The following TRMT1L variants were observed in gnomAD, a reference collection of about 807,000 sequenced individuals.
The protein encoded by TRMT1L is tRNA methyltransferase 1L.
In TRMT1L, 28 loss-of-function variants were observed where a neutral mutation model predicts 81.6. The observed-to-expected ratio is 0.34, with a 90% confidence interval of 0.25 to 0.47. The LOEUF is 0.47. TRMT1L is among the 20% of genes least tolerant of loss of function. TRMT1L has a pLI of 1.00. For missense variants in TRMT1L, 739 were observed against 877.1 expected, an observed-to-expected ratio of 0.84 and a Z score of 1.99; for synonymous variants, 301 against 303.2, an observed-to-expected ratio of 0.99 and a Z score of 0.07.
intron 10 of TRMT1L, among the ~76,000 whole-genome samples, chr1:185,132,403 C>T (rs1378767052): frequency 2.6e-5 from 4 of 151,884 alleles, no homozygotes; most frequent in Non-Finnish European, 5.9e-5. Flanking sequence ...CCTGTAATCA[C>T]AGCTACTCAG....
At position 185,156,734 on chromosome 1, in the gene TRMT1L, C is replaced by T. The variant is rs780468736; in HGVS notation, c.-22G>A. ...CCATAGTTACCGCCTCCGTGCCAAG[C>T]CCGCCCGGGGACCCGGAGCGGGGCT... On this transcript the variant is annotated 5_prime_UTR_variant, in exon 1 of 15. Coordinates refer to ENST00000367506, the MANE Select transcript of TRMT1L (RefSeq NM_030934.5). The T allele has an allele frequency of 3.1e-6, 5 of 1,611,828 alleles. No homozygotes were observed. In the East Asian group the frequency reaches 1.1e-4, roughly 36 times the overall value.
chr1:185,128,281 A>G (rs531987971), intron 11 of TRMT1L, among the ~76,000 whole-genome samples: 8 of 152,300 alleles, frequency 5.3e-5, no homozygotes, highest in African/African-American at 1.9e-4. Context: ...TCTTAAAACT[A>G]ATTCTTCTAG....
In TRMT1L at chr1:185,155,493, T is replaced by C. The variant is rs184343070; in HGVS notation, c.235+985A>G. ...CTACTCTGAAATCTATAACAATTTG[T>C]ATGTTGTTTCAAAACTGCAAAATAA... is the stretch of plus-strand genomic sequence containing the variant. On this transcript the variant is annotated intron_variant, in intron 1 of 14. Coordinates refer to ENST00000367506, the MANE Select transcript of TRMT1L (RefSeq NM_030934.5). Among the ~76,000 whole-genome samples, 11 of 152,368 alleles carry C rather than the reference T, an allele frequency of 7.2e-5. 1 individual carries two copies. The highest frequency in any genetic ancestry group is 2.2e-4 in the African/African-American group (9 of 41,596).
At chr1:185,150,633 A>G (rs1471409384) in intron 2 of TRMT1L, 141 bp from the exon 3 acceptor site, 1 of 664,810 alleles carries the variant, frequency 1.5e-6, no homozygotes, top group Non-Finnish European at 2.6e-6. Flanking sequence ...ATTATTCTTG[A>G]CCCAGGAGAC....
At position 185,140,098 on chromosome 1, in the gene TRMT1L, C is replaced by A. The variant is rs576271013; in HGVS notation, c.984G>T (p.Val328=). Residue 328 remains valine (V), a synonymous_variant, in exon 8 of 15, where the codon GTG becomes GTT. Coordinates refer to ENST00000367506, the MANE Select transcript of TRMT1L (RefSeq NM_030934.5). ...ENCHLNKLKV[V]VDSKEKEKSD... is the part of the protein sequence containing the mutation. ...TCTTTTCCTTTTCCTTACTGTCCAC[C>A]ACCACTTTCAATTTGTTTAAATGGC... 1 of 1,613,582 alleles carries A rather than the reference C, an allele frequency of 6.2e-7. No individual in the cohort carries two copies. Among genetic ancestry groups the A allele is most frequent in the African/African-American group, 1.3e-5 (1 of 74,874 alleles).
rs754954468 is a variant in TRMT1L at position 185,140,139 on chromosome 1, G to C, written c.943C>G (p.Leu315Val). Residue 315 changes from leucine (L) to valine (V), a missense_variant, in exon 8 of 15, where the codon CTG (leucine) becomes GTG (valine). Coordinates refer to ENST00000367506, the MANE Select transcript of TRMT1L (RefSeq NM_030934.5). ...INDLNENSVTLIQENCHLNKL... is the reference protein window; with the variant it reads ...INDLNENSVTVIQENCHLNKL... ...TTTAAATGGCAGTTTTCCTGAATCAGTGTCACAGAATTTTCATTCAAGTCA... is the reference window on the plus strand; with the variant it reads ...TTTAAATGGCAGTTTTCCTGAATCACTGTCACAGAATTTTCATTCAAGTCA... The C allele has an allele frequency of 1.2e-6, 2 of 1,613,732 alleles. 1 individual carries two copies. Among genetic ancestry groups the C allele is most frequent in the Admixed American group, 3.3e-5 (2 of 60,026 alleles).
intron 13 of TRMT1L, among the ~76,000 whole-genome samples, chr1:185,122,682 A>ATTTTT (rs374716894): frequency 3.4e-5 from 4 of 118,862 alleles, no homozygotes; most frequent in Non-Finnish European, 3.4e-5. Flanking sequence ...CTTAAATCTA[A>ATTTTT]TTTTTTTTTT....
chr1:185,120,292 A>G lies in TRMT1L; in HGVS notation c.1950-21T>C. 3 of 1,510,942 alleles carry G rather than the reference A, an allele frequency of 2.0e-6. No homozygotes were observed. The South Asian group carries it at 4.3e-5, about 22-fold the overall frequency. The allele number at this position is 1,510,942 out of a possible 1,614,324, so 93.6% of individuals were successfully genotyped here. ...TTAACCTGCAAAAAGGAAAGGAAAG[A>G]AAAAATAATCAGGTTCTTGTATTTT... is the stretch of plus-strand genomic sequence containing the variant. On this transcript the variant is annotated intron_variant, in intron 14 of 14. Transcript: ENST00000367506.
chr1:185,147,301 A>C, intron 3 of TRMT1L, 55 bp from the exon 4 acceptor site: 1 of 1,331,692 alleles, frequency 7.5e-7, no homozygotes, highest in Non-Finnish European at 1.1e-6. Flanking sequence ...TTCAGTTATC[A>C]AAAATTATAA....
intron 10 of TRMT1L, among the ~76,000 whole-genome samples, chr1:185,136,994 T>TAA (rs5779243): frequency 1.1e-4 from 17 of 150,610 alleles, no homozygotes; most frequent in African/African-American, 3.9e-4. Flanking sequence ...CAACACAGAT[T>TAA]AAAAAAAAAG....
At position 185,119,999 on chromosome 1, in the gene TRMT1L, G is replaced by T. The variant is rs556802796; in HGVS notation, c.*20C>A. 1.7e-5 allele frequency: 28 copies of T among 1,611,428 alleles called. No individual in the cohort carries two copies. The South Asian group carries it at 2.5e-4, about 15-fold the overall frequency. ...TTAGGCCATCTATACAGACACCTGAGAACCAATTCTTCTCTACGTTTACCA... is the reference window on the plus strand; with the variant it reads ...TTAGGCCATCTATACAGACACCTGATAACCAATTCTTCTCTACGTTTACCA... On this transcript the variant is annotated 3_prime_UTR_variant, in exon 15 of 15. Transcript: ENST00000367506.
Position 185,144,026 on chromosome 1 carries a change from G to A in TRMT1L, c.659C>T (p.Ser220Phe), listed in dbSNP as rs1557990887. 7 of 1,585,976 alleles carry A rather than the reference G, an allele frequency of 4.4e-6. No individual in the cohort carries two copies. The highest frequency in any genetic ancestry group is 5.1e-6 in the Non-Finnish European group (6 of 1,166,940). Residue 220 changes from serine to phenylalanine, a missense_variant, in exon 6 of 15, where the codon TCC becomes TTC. Transcript: ENST00000367506. ...AATTTCCTTAGGTGGTTTAGCAGTG[G>A]AAGCTAAGATGGAAAAAAGAAAAGA... is the stretch of plus-strand genomic sequence containing the variant. The part of the protein sequence containing the change: ...GETKSSYIAA[S>F]TAKPPKEILK...
chr1:185,146,965 CTT>C (rs1399346611), intron 4 of TRMT1L, among the ~76,000 whole-genome samples: 1 of 151,930 alleles, frequency 6.6e-6, no homozygotes, highest in African/African-American at 2.4e-5. Flanking sequence ...ATTTATCTGA[CTT>C]AAACTAAAAA....
At chr1:185,133,455 CCT>C (rs1437551656) in intron 10 of TRMT1L, among the ~76,000 whole-genome samples, 4 of 152,116 alleles carry the variant, frequency 2.6e-5, no homozygotes, top group South Asian at 2.1e-4. Flanking sequence ...ATACCCTCCC[CCT>C]GAGTAGGCAC....
Position 185,140,099 on chromosome 1 carries a change from A to G in TRMT1L, c.983T>C (p.Val328Ala). The change falls in exon 8 of 15, where the codon GTG (valine) becomes GCG (alanine). Residue 328 changes from valine to alanine, a missense_variant. By Grantham distance (64) the Val-to-Ala change is moderately conservative. Coordinates refer to ENST00000367506, the MANE Select transcript of TRMT1L (RefSeq NM_030934.5). ...ENCHLNKLKV[V>A]VDSKEKEKSD... ...CTTTTCCTTTTCCTTACTGTCCACC[A>G]CCACTTTCAATTTGTTTAAATGGCA... 6.2e-7 allele frequency: 1 copy of G among 1,613,786 alleles called. No homozygotes were observed. The highest frequency in any genetic ancestry group is 8.5e-7 in the Non-Finnish European group (1 of 1,179,860).
rs142312349 is a variant in TRMT1L, at chr1:185,127,146, G to A, written c.1592+1523C>T. Among the ~76,000 whole-genome samples, 817 of 152,306 alleles carry A rather than the reference G, an allele frequency of 5.4e-3. 8 individuals are homozygous for A. Among genetic ancestry groups the A allele is most frequent in the Middle Eastern group, 0.02 (6 of 294 alleles). ...CCTCATGTGTAAAATAAGGCAGTTA[G>A]GCTAGAAATCTTCCTTCTGGATCCA... On this transcript the variant is annotated intron_variant, in intron 11 of 14. Coordinates refer to ENST00000367506, the MANE Select transcript of TRMT1L (RefSeq NM_030934.5).
intron 13 of TRMT1L, chr1:185,120,970 T>C (rs1171111100): frequency 6.6e-6 from 1 of 152,476 alleles, no homozygotes; most frequent in Non-Finnish European, 1.5e-5. Flanking sequence ...GTGATCAGTA[T>C]TGGATACACA....
chr1:185,153,523 G>A (rs186269590), intron 1 of TRMT1L, among the ~76,000 whole-genome samples: 94 of 152,318 alleles, frequency 6.2e-4, no homozygotes, highest in Middle Eastern at 3.4e-3. Context: ...AGCACATCTG[G>A]TGACCTTTAA....
chr1:185,139,133 T>C (rs528484060), intron 9 of TRMT1L, among the ~76,000 whole-genome samples: 4 of 152,388 alleles, frequency 2.6e-5, no homozygotes, highest in African/African-American at 9.6e-5. Context: ...ACCTTTTCTT[T>C]CTTATACTTT....
Sources: allele counts gnomAD v4.1 joint callset (sites outside exome capture counted in the v4.1 genomes callset), GRCh38; gene constraint gnomAD v4.1.1; transcripts MANE v1.5; gene names NCBI Gene and HGNC (gene_info 2026-07-23, HGNC 2026-07-21).